The following PRKG1 variants were observed in gnomAD, a reference collection of about 807,000 sequenced individuals.
The protein encoded by PRKG1 is cGMP-dependent protein kinase 1.
In PRKG1, 35 loss-of-function variants were observed where a neutral mutation model predicts 88.1. The ratio of observed to expected loss-of-function variants is 0.40; its 90% CI spans 0.30 to 0.53. The LOEUF (loss-of-function observed/expected upper bound fraction) is 0.53, where lower values mean the gene tolerates loss of function less well. Among genes scored for constraint, PRKG1 ranks in the 20% least tolerant of loss-of-function variants. The probability of loss-of-function intolerance (pLI) is 0.59; values close to 1 mark genes in which losing one functional copy is unlikely to be tolerated. For missense variants in PRKG1, 540 were observed against 839.8 expected, an observed-to-expected ratio of 0.64 and a Z score of 4.41; for synonymous variants, 303 against 292.5, an observed-to-expected ratio of 1.04 and a Z score of -0.37.
chr10:51,485,407 CA>C (rs1355535618), intron 3 of PRKG1, among the ~76,000 whole-genome samples: 1 of 152,064 alleles, frequency 6.6e-6, no homozygotes, highest in East Asian at 1.9e-4. Flanking sequence ...GGTGGTTAGA[CA>C]GAACTCATTT....
chr10:51,386,265 C>T (rs187887255), intron 2 of PRKG1, among the ~76,000 whole-genome samples: 3 of 152,198 alleles, frequency 2.0e-5, no homozygotes, highest in Admixed American at 6.5e-5. Context: ...ATGAGTGTGA[C>T]TGTTTCTATA....
In PRKG1 at chr10:51,652,454, T is replaced by C. The variant is rs540268935; in HGVS notation, c.593-152131T>C. ...AAGTTTAGCATCTCTTAAATATAGA[T>C]TTTAGAAAAAGAGGGAAAGAGTCAT... is the stretch of plus-strand genomic sequence containing the variant. On this transcript the variant is annotated intron_variant, in intron 3 of 17. Transcript: ENST00000373980. 2.6e-5 allele frequency among the ~76,000 whole-genome samples: 4 copies of C among 152,182 alleles called. No homozygotes were observed. In the East Asian group the frequency reaches 7.7e-4, roughly 29 times the overall value.
chr10:52,076,834 T>C (rs1310909610), intron 7 of PRKG1, among the ~76,000 whole-genome samples: 1 of 152,210 alleles, frequency 6.6e-6, no homozygotes, highest in Non-Finnish European at 1.5e-5. Context: ...GTGAAAATTG[T>C]CTCAACGTGA....
chr10:51,720,310 C>T (rs1303370081), intron 3 of PRKG1, among the ~76,000 whole-genome samples: 6 of 116,452 alleles, frequency 5.2e-5, no homozygotes, highest in Admixed American at 4.0e-4. Context: ...GACATTCATA[C>T]CTAAAAGTTC....
chr10:52,085,192 A>G (rs1411536019), intron 7 of PRKG1, among the ~76,000 whole-genome samples: 2 of 152,016 alleles, frequency 1.3e-5, no homozygotes, highest in Non-Finnish European at 2.9e-5. Flanking sequence ...CAACTAATAA[A>G]CAACCTGTAA....
At chr10:51,926,779 TCTC>T (rs1554856135) in intron 5 of PRKG1, among the ~76,000 whole-genome samples, 1 of 147,434 alleles carries the variant, frequency 6.8e-6, no homozygotes, top group Non-Finnish European at 1.5e-5. Flanking sequence ...CTGAATAACA[TCTC>T]CTGAGTATCT....
chr10:51,935,649 TTATAA>T (rs1037327994), intron 5 of PRKG1, among the ~76,000 whole-genome samples: 2 of 152,164 alleles, frequency 1.3e-5, no homozygotes, highest in Non-Finnish European at 2.9e-5. Context: ...TTCTTATTCC[TTATAA>T]TATGTGTCCT....
At chr10:51,495,152 T>C (rs936821929) in intron 3 of PRKG1, among the ~76,000 whole-genome samples, 8 of 152,162 alleles carry the variant, frequency 5.3e-5, no homozygotes, top group African/African-American at 1.7e-4. Context: ...TGGAATGCAG[T>C]GGCACGATCT....
intron 2 of PRKG1, among the ~76,000 whole-genome samples, chr10:51,276,065 C>T (rs1461574800): frequency 1.3e-5 from 2 of 151,858 alleles, no homozygotes; most frequent in Middle Eastern, 3.2e-3. Flanking sequence ...GCTGCACCCA[C>T]TAACTCATCA....
intron 9 of PRKG1, among the ~76,000 whole-genome samples, chr10:52,202,145 G>T (rs772192758): frequency 5.9e-5 from 9 of 151,992 alleles, no homozygotes; most frequent in Non-Finnish European, 1.0e-4. Context: ...GTTCTCAAGG[G>T]GAATGCTTCC....
At chr10:52,072,373 G>C (rs1301410254) in intron 7 of PRKG1, among the ~76,000 whole-genome samples, 1 of 151,794 alleles carries the variant, frequency 6.6e-6, no homozygotes, top group Non-Finnish European at 1.5e-5. Flanking sequence ...AAAAGATGCT[G>C]TCCTCTCACT....
intron 3 of PRKG1, among the ~76,000 whole-genome samples, chr10:51,560,177 G>A (rs1416232519): frequency 6.6e-6 from 1 of 152,012 alleles, no homozygotes; most frequent in Non-Finnish European, 1.5e-5. Flanking sequence ...TCCCCTTTTG[G>A]TGGGTAGGTT....
At chr10:51,701,767 TATA>T (rs1352938008) in intron 3 of PRKG1, among the ~76,000 whole-genome samples, 1 of 150,942 alleles carries the variant, frequency 6.6e-6, no homozygotes, top group Non-Finnish European at 1.5e-5. Context: ...AATGGGGTAT[TATA>T]ATATGTTGCA....
At chr10:51,582,095 G>T (rs191200974) in intron 3 of PRKG1, among the ~76,000 whole-genome samples, 2 of 152,204 alleles carry the variant, frequency 1.3e-5, no homozygotes, top group East Asian at 3.9e-4. Context: ...ACTGAAAAAA[G>T]GATTGAATTG....
In PRKG1 at chr10:51,837,702, C is replaced by T. The variant is rs547757963; in HGVS notation, c.698+33012C>T. On this transcript the variant is annotated intron_variant, in intron 4 of 17. Transcript: ENST00000373980. ...CTCCAGTAGCATTTACCACACTGTCCGGATGTTTGCTTTCTGCTTTTCCCA... is the reference window on the plus strand; with the variant it reads ...CTCCAGTAGCATTTACCACACTGTCTGGATGTTTGCTTTCTGCTTTTCCCA... Among the ~76,000 whole-genome samples the T allele has an allele frequency of 4.4e-4, 67 of 152,184 alleles. No homozygotes were observed. The South Asian group carries it at 0.013, about 29-fold the overall frequency.
chr10:51,847,102 T>A (rs1840417759), intron 4 of PRKG1, among the ~76,000 whole-genome samples: 1 of 152,186 alleles, frequency 6.6e-6, no homozygotes, highest in Non-Finnish European at 1.5e-5. Flanking sequence ...TCACATTCCT[T>A]GGCCTCCCTG....
intron 3 of PRKG1, among the ~76,000 whole-genome samples, chr10:51,786,126 G>C (rs1316825075): frequency 1.3e-5 from 2 of 152,102 alleles, no homozygotes; most frequent in Non-Finnish European, 2.9e-5. Context: ...TATCAGAATG[G>C]AATAAACAGT....
At chr10:52,001,500 C>T (rs1564746349) in intron 5 of PRKG1, among the ~76,000 whole-genome samples, 2 of 151,756 alleles carry the variant, frequency 1.3e-5, no homozygotes, top group South Asian at 2.1e-4. Context: ...GTCAGTCATA[C>T]CTCAGTAAAA....
At chr10:52,166,010 A>G (rs1361965958) in intron 9 of PRKG1, among the ~76,000 whole-genome samples, 1 of 152,228 alleles carries the variant, frequency 6.6e-6, no homozygotes, top group Non-Finnish European at 1.5e-5. Flanking sequence ...TGTTCTTGGC[A>G]GAAATTTTGC....
Sources: gnomAD v4.1 joint callset for allele counts (sites outside exome capture counted in the v4.1 genomes callset) on GRCh38, gnomAD v4.1.1 for gene constraint, MANE v1.5 for transcripts, NCBI Gene and HGNC (gene_info 2026-07-23, HGNC 2026-07-21) for gene names.